The following MAST2 variants were observed in gnomAD, a reference collection of about 807,000 sequenced individuals.
MAST2 encodes microtubule associated serine/threonine kinase 2.
In MAST2, 70 loss-of-function variants were observed where a neutral mutation model predicts 147.4. The observed-to-expected ratio is 0.47, with a 90% CI of 0.39 to 0.58. The LOEUF is 0.58. Among genes scored for constraint, MAST2 ranks in the 20% least tolerant of loss-of-function variants. The pLI, the probability that MAST2 is intolerant of heterozygous loss-of-function variation, is 0.00. For missense variants in MAST2, 2,080 were observed against 2,302.3 expected (o/e 0.90, Z 1.98); for synonymous variants, 869 against 896.8 (o/e 0.97, Z 0.55).
intron 4 of MAST2, among the ~76,000 whole-genome samples, chr1:45,890,288 C>T (rs542105925): frequency 1.4e-3 from 216 of 152,318 alleles, no homozygotes; most frequent in African/African-American, 4.7e-3. Flanking sequence ...TAAGTATTAG[C>T]TCAGGCTGCT....
intron 7 of MAST2, among the ~76,000 whole-genome samples, chr1:46,003,402 A>G (rs1212813437): frequency 6.6e-6 from 1 of 152,190 alleles, no homozygotes; most frequent in Non-Finnish European, 1.5e-5. Context: ...CTTTTGGAGA[A>G]TGTTTTAGCC....
At chr1:45,994,629 A>G (rs1056969722) in intron 5 of MAST2, among the ~76,000 whole-genome samples, 3 of 152,016 alleles carry the variant, frequency 2.0e-5, no homozygotes, top group Non-Finnish European at 2.9e-5. Context: ...TTGGTCTTTC[A>G]GGTGTGGCCA....
At chr1:46,016,820 A>T (rs1571222491) in intron 10 of MAST2, among the ~76,000 whole-genome samples, 1 of 152,170 alleles carries the variant, frequency 6.6e-6, no homozygotes, top group South Asian at 2.1e-4. Flanking sequence ...ATTAGAAAAA[A>T]CTACTTTAAA....
chr1:45,855,756 C>T (rs1645768318), intron 3 of MAST2, among the ~76,000 whole-genome samples: 1 of 152,076 alleles, frequency 6.6e-6, no homozygotes, highest in African/African-American at 2.4e-5. Flanking sequence ...GTAGATTGAG[C>T]ATTTCTACAT....
rs974117271 is a variant in MAST2 at position 46,007,076 on chromosome 1, G to T, written c.902+681G>T. The stretch of plus-strand genomic sequence containing the variant: ...CCTTAACAGCTGCTGATTAATTTTC[G>T]ATTCTCTTTGGCATTAGCTGGTAAA... On this transcript the variant is annotated intron_variant, in intron 8 of 28. Coordinates refer to ENST00000361297, the MANE Select transcript of MAST2 (RefSeq NM_015112.3). Among the ~76,000 whole-genome samples, 5 of 152,172 alleles carry T rather than the reference G, an allele frequency of 3.3e-5. No homozygotes were observed. In the East Asian group the frequency reaches 9.6e-4, roughly 29 times the overall value.
intron 4 of MAST2, among the ~76,000 whole-genome samples, chr1:45,949,419 T>TA: frequency 6.6e-6 from 1 of 152,230 alleles, no homozygotes; most frequent in East Asian, 1.9e-4. Context: ...CGTGAACAGA[T>TA]ACTTTTCAAA....
intron 3 of MAST2, among the ~76,000 whole-genome samples, chr1:45,864,327 C>T (rs951526469): frequency 3.9e-5 from 6 of 152,172 alleles, no homozygotes; most frequent in African/African-American, 7.2e-5. Flanking sequence ...ACTCACAACA[C>T]GTGGACTAGC....
intron 3 of MAST2, among the ~76,000 whole-genome samples, chr1:45,867,147 T>A (rs1030945669): frequency 9.8e-5 from 15 of 152,334 alleles, no homozygotes; most frequent in African/African-American, 3.4e-4. Flanking sequence ...AAAGCAGCAG[T>A]TTAGATTATT....
At position 46,035,373 on chromosome 1, in the gene MAST2, G is replaced by A; in HGVS notation, c.4704G>A (p.Leu1568=). The change falls in exon 29 of 29, where the codon CTG becomes CTA. Residue 1568 remains leucine, a synonymous_variant. Transcript: ENST00000361297. This position sits in a 1 kb window ranked among gnomAD's most constrained non-coding sequence, Gnocchi z 5.5. ...MVPSLLTGIT[L]GPPRMESPSG... The stretch of plus-strand genomic sequence containing the variant: ...CAAGCCTATTGACAGGGATCACACT[G>A]GGGCCTCCCAGAATGGAAAGTCCCA... 6.2e-7 allele frequency: 1 copy of A among 1,612,972 alleles called. No homozygotes were observed. The highest frequency in any genetic ancestry group is 8.5e-7 in the Non-Finnish European group (1 of 1,179,636).
intron 4 of MAST2, among the ~76,000 whole-genome samples, chr1:45,936,915 C>G (rs1178314603): frequency 6.6e-6 from 1 of 151,956 alleles, no homozygotes; most frequent in African/African-American, 2.4e-5. Flanking sequence ...TTTTAAGTTT[C>G]TTTATTTTTT....
intron 4 of MAST2, among the ~76,000 whole-genome samples, chr1:45,941,240 G>A (rs1041700545): frequency 6.6e-6 from 1 of 151,968 alleles, no homozygotes; most frequent in Non-Finnish European, 1.5e-5. Flanking sequence ...AGTTTTATTA[G>A]GTGTTTTTGT....
Position 46,029,963 on chromosome 1 carries a change from C to A in MAST2, c.2443+10C>A. On this transcript the variant is annotated intron_variant, in intron 20 of 28. Coordinates refer to ENST00000361297, the MANE Select transcript of MAST2 (RefSeq NM_015112.3). ...ACTAGCTATTTTGACAGTAAGGCCACCGATGGGTGGGGTGGAGGATGGGTC... is the reference window on the plus strand; with the variant it reads ...ACTAGCTATTTTGACAGTAAGGCCAACGATGGGTGGGGTGGAGGATGGGTC... 6.2e-7 allele frequency: 1 copy of A among 1,613,904 alleles called. No homozygotes were observed. Among genetic ancestry groups the A allele is most frequent in the Non-Finnish European group, 8.5e-7 (1 of 1,179,910 alleles).
chr1:45,875,992 A>T (rs553183398), intron 3 of MAST2, among the ~76,000 whole-genome samples: 93 of 152,294 alleles, frequency 6.1e-4, no homozygotes, highest in South Asian at 1.0e-3. Flanking sequence ...GCCTGCAAAG[A>T]TGTTTAAATG....
chr1:45,828,645 G>A (rs116107841), intron 2 of MAST2, among the ~76,000 whole-genome samples: 418 of 152,304 alleles, frequency 2.7e-3, no homozygotes, highest in Middle Eastern at 6.8e-3. Context: ...ATTGCAGGTC[G>A]GGCGTGGTGG....
At chr1:45,857,810 C>T (rs1645839502) in intron 3 of MAST2, among the ~76,000 whole-genome samples, 1 of 140,806 alleles carries the variant, frequency 7.1e-6, no homozygotes, top group Non-Finnish European at 1.5e-5. Flanking sequence ...TCCAAGTGTT[C>T]TCATTGTTCA....
intron 1 of MAST2, among the ~76,000 whole-genome samples, chr1:45,817,206 G>T (rs962607774): frequency 4.6e-5 from 7 of 152,190 alleles, no homozygotes; most frequent in Non-Finnish European, 7.4e-5. Context: ...CTTAGAGAAA[G>T]ATTTCTATAT....
rs374473993 is a variant in MAST2 at position 46,010,691 on chromosome 1, A to C, written c.979-39A>C. On this transcript the variant is annotated intron_variant, in intron 9 of 28. Transcript: ENST00000361297. ...CAGGCTTAGCTCCAACTGAGCTGGA[A>C]CTAGAAGGGAAGTGTTTCTTTCTTG... 2.7e-4 allele frequency: 427 copies of C among 1,577,282 alleles called. 1 individual carries two copies. The highest frequency in any genetic ancestry group is 2.3e-3 in the Middle Eastern group (10 of 4,434).
chr1:45,974,970 G>T (rs1483249716), intron 5 of MAST2, among the ~76,000 whole-genome samples: 1 of 152,224 alleles, frequency 6.6e-6, no homozygotes, highest in Non-Finnish European at 1.5e-5. Context: ...AGGAGTAATG[G>T]TTGTTGTAGT....
chr1:45,991,382 A>G (rs1203582101), intron 5 of MAST2, among the ~76,000 whole-genome samples: 1 of 152,170 alleles, frequency 6.6e-6, no homozygotes, highest in South Asian at 2.1e-4. Flanking sequence ...TTGCCTTTCC[A>G]TGTAAACTTT....
Sources: allele counts gnomAD v4.1 joint callset (sites outside exome capture counted in the v4.1 genomes callset), GRCh38; gene constraint gnomAD v4.1.1; non-coding constraint Gnocchi (gnomAD v3.1); transcripts MANE v1.5; gene names NCBI Gene and HGNC (gene_info 2026-07-23, HGNC 2026-07-21).